Variants in DMPK observed in about 807,000 individuals in gnomAD.
DMPK encodes DM1 protein kinase.
DMPK carries 32 observed loss-of-function variants against 70.3 expected under a neutral mutation model. The observed-to-expected ratio is 0.46, with a 90% CI of 0.34 to 0.61. DMPK has a LOEUF of 0.61. Among genes scored for constraint, DMPK ranks in the 20% least tolerant of loss-of-function variants. The pLI, the probability that DMPK is intolerant of heterozygous loss-of-function variation, is 0.01. For synonymous variants in DMPK, 469 were observed against 390.9 expected (o/e 1.20, Z -2.36); for missense variants, 899 against 886.0 (o/e 1.01, Z -0.19).
rs1022855451 is a variant in DMPK at position 45,779,576 on chromosome 19, G to A, written c.253-54C>T. 1.1e-5 allele frequency: 17 copies of A among 1,605,482 alleles called. No individual in the cohort carries two copies. In the Admixed American group the frequency reaches 2.7e-4, roughly 25 times the overall value. On this transcript the variant is annotated intron_variant, in intron 2 of 14. Coordinates refer to ENST00000291270, the MANE Select transcript of DMPK (RefSeq NM_004409.5). Reference sequence around the variant, plus strand: ...AGACGGCGGGAAAACAAAAGGGCTCGCCCAGACCCAACTCCACCCGCTTCT... The same window carrying A: ...AGACGGCGGGAAAACAAAAGGGCTCACCCAGACCCAACTCCACCCGCTTCT...
Position 45,777,697 on chromosome 19 carries a change from C to G in DMPK, c.852G>C (p.Ala284=), listed in dbSNP as rs372132101. 2 of 1,613,900 alleles carry G rather than the reference C, an allele frequency of 1.2e-6. No homozygotes were observed. The highest frequency in any genetic ancestry group is 1.7e-6 in the Non-Finnish European group (2 of 1,180,040). Residue 284 remains alanine (A), a synonymous_variant, in exon 7 of 15, where the codon GCG becomes GCC. Coordinates refer to ENST00000291270, the MANE Select transcript of DMPK (RefSeq NM_004409.5). This position sits in a 1 kb window ranked among gnomAD's most constrained non-coding sequence, Gnocchi z 6.7. ...AGTGGACGATCTTGCCATAGGTCTC[C>G]GCCGTGGAATCCGCGTAGAAGGGCG... ...GQTPFYADST[A]ETYGKIVHYK...
intron 1 of DMPK, among the ~76,000 whole-genome samples, chr19:45,780,960 T>G (rs1278881756): frequency 6.6e-6 from 1 of 152,092 alleles, no homozygotes; most frequent in Admixed American, 6.5e-5. Flanking sequence ...GGTCTCAGTT[T>G]ACCCTGCCAA....
In DMPK at chr19:45,770,283, C is replaced by CCCTT; in HGVS notation, c.*201_*204dup. On this transcript the variant is annotated 3_prime_UTR_variant, in exon 15 of 15. Transcript: ENST00000291270. ...GCAGCAGCATTCCCGGCTACAAGGACCCTTCGAGCCCCGTTCGCCGGCCGC... is the reference window on the plus strand; with the variant it reads ...GCAGCAGCATTCCCGGCTACAAGGACCCTTCCTTCGAGCCCCGTTCGCCGGCCGC... 1.2e-6 allele frequency: 1 copy of CCCTT among 863,306 alleles called. No homozygotes were observed. The highest frequency in any genetic ancestry group is 1.7e-5 in the African/African-American group (1 of 57,468). The allele number at this position is 863,306 out of a possible 1,614,324, so 53.5% of individuals were successfully genotyped here.
intron 1 of DMPK, among the ~76,000 whole-genome samples, chr19:45,781,763 G>T (rs995292709): frequency 7.2e-5 from 11 of 152,294 alleles, no homozygotes; most frequent in Admixed American, 5.9e-4. Context: ...CCTGGCAGCT[G>T]CCCCATGCTG....
chr19:45,770,204 C>CCAGCAGCAGCAG lies in DMPK; in HGVS notation c.*272_*283dup. The CCAGCAGCAGCAG allele has an allele frequency of 6.7e-3, 4,789 of 715,212 alleles. 29 individuals carry two copies. The highest frequency in any genetic ancestry group is 8.9e-3 in the East Asian group (315 of 35,526). 44.3% of individuals were successfully genotyped at this position (715,212 alleles called of 1,614,324 possible). On this transcript the variant is annotated 3_prime_UTR_variant, in exon 15 of 15. Transcript: ENST00000291270. ...AAGAAAGAAATGGTCTGTGATCCCC[C>CCAGCAGCAGCAG]CAGCAGCAGCAGCAGCAGCAGCAGC... is the stretch of plus-strand genomic sequence containing the variant.
Position 45,777,998 on chromosome 19 carries a change from A to C in DMPK, c.676-125T>G. On this transcript the variant is annotated intron_variant, in intron 6 of 14. Coordinates refer to ENST00000291270, the MANE Select transcript of DMPK (RefSeq NM_004409.5). This position sits in a 1 kb window ranked among gnomAD's most constrained non-coding sequence, Gnocchi z 6.7. ...TCTGCCTGGTCTAATACTCCGCCACACAGATGCACACTTAAGCCTGGGTCA... is the reference window on the plus strand; with the variant it reads ...TCTGCCTGGTCTAATACTCCGCCACCCAGATGCACACTTAAGCCTGGGTCA... 8.3e-7 allele frequency: 1 copy of C among 1,206,942 alleles called. No homozygotes were observed. The highest frequency in any genetic ancestry group is 1.2e-6 in the Non-Finnish European group (1 of 850,618). The allele number at this position is 1,206,942 out of a possible 1,614,324, so 74.8% of individuals were successfully genotyped here.
Position 45,771,906 on chromosome 19 carries a change from G to T in DMPK, c.1367C>A (p.Ala456Asp). Residue 456 changes from alanine (A) to aspartate (D), a missense_variant, in exon 11 of 15, where the codon GCT becomes GAT. This residue lies in a region of DMPK where 555 missense variants were observed against 483.8 expected (regional missense o/e 1.15). Transcript: ENST00000291270. ...GGCCTCAGCCTCTGCCGCAGGGACA[G>T]CCGCTGGAACTGCCACTTCAGCCTG... ...DETAEVAVPA[A>D]VPAAEAEAEV... 1 of 1,596,118 alleles carries T rather than the reference G, an allele frequency of 6.3e-7. No homozygotes were observed. Among genetic ancestry groups the T allele is most frequent in the South Asian group, 1.1e-5 (1 of 88,288 alleles).
At position 45,772,018 on chromosome 19, in the gene DMPK, T is replaced by C. The variant is rs74857182; in HGVS notation, c.1345-90A>G. The C allele has an allele frequency of 3.1e-3, 4,504 of 1,433,736 alleles. 125 individuals carry two copies. The African/African-American group carries it at 0.057, about 18-fold the overall frequency. 88.8% of individuals were successfully genotyped at this position (1,433,736 alleles called of 1,614,324 possible). On this transcript the variant is annotated intron_variant, in intron 10 of 14. Coordinates refer to ENST00000291270, the MANE Select transcript of DMPK (RefSeq NM_004409.5). ...GTTCCAGGCTAGGAATCCTTGTTTA[T>C]CCCCTACTCCTCCGTCCCCTCAACA...
rs1237918897 is a variant in DMPK, at chr19:45,771,032, CCCACAG to C, written c.1670_1675del (p.Ala557_Val558del). The C allele has an allele frequency of 1.7e-5, 26 of 1,502,246 alleles. No homozygotes were observed. In the Admixed American group the frequency reaches 5.2e-4, roughly 30 times the overall value. The allele number at this position is 1,502,246 out of a possible 1,614,324, so 93.1% of individuals were successfully genotyped here. A position where few individuals can be genotyped will look rare whatever the true frequency, so the allele number is the denominator to read the frequency against. ...GCCTGGCCCCACCAGCGGGCACTGG[CCCACAG>C]CCACGGCCGGGGGGCCATCTAGCTG... is the stretch of plus-strand genomic sequence containing the variant. On this transcript the variant is annotated inframe_deletion, in exon 14 of 15. Transcript: ENST00000291270.
intron 10 of DMPK, 96 bp downstream of exon 10, chr19:45,772,545 G>T: frequency 1.4e-6 from 1 of 690,746 alleles, no homozygotes; most frequent in Non-Finnish European, 2.4e-6. Context: ...TGTTCAGGAA[G>T]TCCCTAGAGG....
chr19:45,769,920 G>T lies in DMPK; in HGVS notation c.*568C>A, dbSNP rs1969223850. On this transcript the variant is annotated 3_prime_UTR_variant, in exon 15 of 15. Transcript: ENST00000291270. ...CGCCGAAGCGGGCGGAGCCGGCTGG[G>T]GCTCCGAGAGCAGCGCAAGTGAGGA... The T allele has an allele frequency of 7.0e-6, 2 of 286,504 alleles. No individual in the cohort carries two copies. The highest frequency in any genetic ancestry group is 7.5e-5 in the South Asian group (2 of 26,704). The allele number at this position is 286,504 out of a possible 1,614,324, so 17.7% of individuals were successfully genotyped here.
intron 2 of DMPK, 92 bp downstream of exon 2, chr19:45,779,686 G>C (rs1970007123): frequency 2.6e-6 from 4 of 1,532,552 alleles, no homozygotes; most frequent in Admixed American, 2.0e-5. Context: ...AGGTTCTAAG[G>C]CTCGGTCATT....
chr19:45,771,067 A>G lies in DMPK; in HGVS notation c.1648-7T>C. On this transcript the variant is annotated splice_region_variant and splice_polypyrimidine_tract_variant and intron_variant, in intron 13 of 14. Coordinates refer to ENST00000291270, the MANE Select transcript of DMPK (RefSeq NM_004409.5). ...CGGCCGGGGGGCCATCTAGCTGGAG[A>G]GAGAAGGGACAGGTGACCCGATCGG... 1 of 1,524,496 alleles carries G rather than the reference A, an allele frequency of 6.6e-7. No individual in the cohort carries two copies. The highest frequency in any genetic ancestry group is 8.8e-7 in the Non-Finnish European group (1 of 1,136,714). The allele number at this position is 1,524,496 out of a possible 1,614,324, so 94.4% of individuals were successfully genotyped here. A position where few individuals can be genotyped will look rare whatever the true frequency, so the allele number is the denominator to read the frequency against.
Position 45,777,990 on chromosome 19 carries a change from TCCGCCA to T in DMPK, c.676-123_676-118del. ...CCCCTCCCTCTGCCTGGTCTAATAC[TCCGCCA>T]CACAGATGCACACTTAAGCCTGGGT... On this transcript the variant is annotated intron_variant, in intron 6 of 14. Transcript: ENST00000291270. The surrounding 1 kb of genome is among the most constrained non-coding windows in gnomAD (Gnocchi z 6.7). 4.0e-6 allele frequency: 5 copies of T among 1,236,028 alleles called. No individual in the cohort carries two copies. The highest frequency in any genetic ancestry group is 5.7e-6 in the Non-Finnish European group (5 of 877,746). 76.6% of individuals were successfully genotyped at this position (1,236,028 alleles called of 1,614,324 possible).
chr19:45,771,175 G>A lies in DMPK; in HGVS notation c.1648-115C>T, dbSNP rs562540551. 1.1e-5 allele frequency: 13 copies of A among 1,177,422 alleles called. No individual in the cohort carries two copies. In the East Asian group the frequency reaches 1.8e-4, roughly 17 times the overall value. The allele number at this position is 1,177,422 out of a possible 1,614,324, so 72.9% of individuals were successfully genotyped here. ...GAGGTTATCTAGGGAGATCCCGGAG[G>A]GAATCTGGTGAGGCCTGAACGGAGG... On this transcript the variant is annotated intron_variant, in intron 13 of 14. Transcript: ENST00000291270.
chr19:45,777,780 GCCCGTAGCTGCCTGT>G lies in DMPK; in HGVS notation c.754_768del (p.Thr252_Gly256del). 1 of 1,612,812 alleles carries G rather than the reference GCCCGTAGCTGCCTGT, an allele frequency of 6.2e-7. No homozygotes were observed. The highest frequency in any genetic ancestry group is 1.1e-5 in the South Asian group (1 of 91,086). ...CCCAGCGCCCACCAGTCACACTCGGGCCCGTAGCTGCCTGTCCCAGGCCCACCGCCCACAGCCTGC... is the reference window on the plus strand; with the variant it reads ...CCCAGCGCCCACCAGTCACACTCGGGCCCAGGCCCACCGCCCACAGCCTGC... On this transcript the variant is annotated inframe_deletion, in exon 7 of 15. Coordinates refer to ENST00000291270, the MANE Select transcript of DMPK (RefSeq NM_004409.5). The surrounding 1 kb of genome is among the most constrained non-coding windows in gnomAD (Gnocchi z 6.7).
intron 9 of DMPK, 78 bp downstream of exon 9, chr19:45,774,871 C>A: frequency 8.8e-7 from 1 of 1,138,918 alleles, no homozygotes; most frequent in Admixed American, 1.7e-5. Flanking sequence ...CCTGCAACTC[C>A]ATTGGCTGCC....
rs1969349930 is a variant in DMPK at position 45,770,722 on chromosome 19, G to A, written c.1738-82C>T. 5 of 1,450,884 alleles carry A rather than the reference G, an allele frequency of 3.4e-6. No individual in the cohort carries two copies. The South Asian group carries it at 4.0e-5, about 12-fold the overall frequency. The allele number at this position is 1,450,884 out of a possible 1,614,324, so 89.9% of individuals were successfully genotyped here. ...CTCGCCCCGCCTACGCCCATAGGTG[G>A]GCCCGCACTCTTCCCTGCGCCCCGC... On this transcript the variant is annotated intron_variant, in intron 14 of 14. Transcript: ENST00000291270.
Position 45,771,544 on chromosome 19 carries a change from G to A in DMPK, c.1600+24C>T, listed in dbSNP as rs200633144. On this transcript the variant is annotated intron_variant, in intron 12 of 14. Transcript: ENST00000291270. Reference sequence around the variant, plus strand: ...GCCCACCTCCTCCCGGTCCTCCGGGGAAGGGGACACATGAGGGACTCACCT... The same window carrying A: ...GCCCACCTCCTCCCGGTCCTCCGGGAAAGGGGACACATGAGGGACTCACCT... 6.8e-5 allele frequency: 110 copies of A among 1,613,562 alleles called. 3 individuals carry two copies. In the South Asian group the frequency reaches 1.1e-3, roughly 16 times the overall value.
Sources: allele counts gnomAD v4.1 joint callset (sites outside exome capture counted in the v4.1 genomes callset), GRCh38; gene constraint gnomAD v4.1.1; regional missense constraint gnomAD v4.1.1; non-coding constraint Gnocchi (gnomAD v3.1); transcripts MANE v1.5; gene names NCBI Gene and HGNC (gene_info 2026-07-23, HGNC 2026-07-21).